Variants in DMC1 observed in about 807,000 individuals in gnomAD.
DMC1 encodes meiotic recombination protein DMC1 homolog.
Under a neutral mutation model 50.1 loss-of-function variants are expected in DMC1, and 27 were observed. The ratio of observed to expected loss-of-function variants is 0.54; its 90% CI spans 0.40 to 0.74. The LOEUF (loss-of-function observed/expected upper bound fraction) is 0.74, where lower values mean the gene tolerates loss of function less well. Ranked by LOEUF, DMC1 falls within the 30% of genes least tolerant of loss-of-function variation. DMC1 has a pLI of 0.00. For missense variants in DMC1, 295 were observed against 420.2 expected (o/e 0.70, Z 2.60); for synonymous variants, 148 against 136.1 (o/e 1.09, Z -0.61).
chr22:38,543,538 T>C (rs866347042), intron 8 of DMC1, among the ~76,000 whole-genome samples: 3 of 152,164 alleles, frequency 2.0e-5, no homozygotes, highest in South Asian at 4.1e-4. Flanking sequence ...TGCCTGTAAA[T>C]TGTTAAGTAC....
intron 8 of DMC1, among the ~76,000 whole-genome samples, chr22:38,540,463 T>C (rs1378434241): frequency 6.6e-6 from 1 of 152,210 alleles, no homozygotes; most frequent in Non-Finnish European, 1.5e-5. Context: ...AAAGGAGTAA[T>C]AAACATTTTT....
At chr22:38,551,404 C>A (rs554106849) in intron 7 of DMC1, among the ~76,000 whole-genome samples, 4 of 151,998 alleles carry the variant, frequency 2.6e-5, no homozygotes, top group Non-Finnish European at 5.9e-5. Flanking sequence ...TCTCGGCCCA[C>A]GGCAACCTCT....
chr22:38,526,226 A>G (rs942132771), intron 12 of DMC1, among the ~76,000 whole-genome samples: 1 of 151,222 alleles, frequency 6.6e-6, no homozygotes, highest in Non-Finnish European at 1.5e-5. Context: ...TTTTTTTGAG[A>G]CGGAGTCTTG....
At chr22:38,558,110 C>T (rs1437924227) in intron 5 of DMC1, among the ~76,000 whole-genome samples, 3 of 151,112 alleles carry the variant, frequency 2.0e-5, no homozygotes, top group Non-Finnish European at 4.4e-5. Context: ...TACAGGCACC[C>T]GCCACCATGC....
chr22:38,564,849 A>G (rs1270622859), intron 4 of DMC1, among the ~76,000 whole-genome samples: 1 of 152,136 alleles, frequency 6.6e-6, no homozygotes, highest in South Asian at 2.1e-4. Flanking sequence ...TTGTGGGTAC[A>G]CTGCCTGAGT....
intron 4 of DMC1, among the ~76,000 whole-genome samples, chr22:38,563,825 G>C (rs1442839229): frequency 6.6e-6 from 1 of 151,566 alleles, no homozygotes; most frequent in Non-Finnish European, 1.5e-5. Flanking sequence ...TCAGCCTCCC[G>C]AGTAGCTGGG....
chr22:38,534,504 A>T (rs1316097890), intron 12 of DMC1, among the ~76,000 whole-genome samples: 1 of 152,032 alleles, frequency 6.6e-6, no homozygotes, highest in Non-Finnish European at 1.5e-5. Flanking sequence ...GGAGTTCGAG[A>T]CCAGCCTGGC....
intron 8 of DMC1, among the ~76,000 whole-genome samples, chr22:38,541,368 T>C (rs2090279118): frequency 6.6e-6 from 1 of 152,246 alleles, no homozygotes; most frequent in East Asian, 1.9e-4. Flanking sequence ...CTCGGCTCAC[T>C]GCAACCTCTG....
At chr22:38,553,745 G>T (rs1290323384) in intron 6 of DMC1, among the ~76,000 whole-genome samples, 1 of 151,736 alleles carries the variant, frequency 6.6e-6, no homozygotes, top group Non-Finnish European at 1.5e-5. Flanking sequence ...GGCTGCATGA[G>T]CTCAGGAGTT....
At chr22:38,551,349 A>G (rs538099360) in intron 7 of DMC1, among the ~76,000 whole-genome samples, 2 of 151,280 alleles carry the variant, frequency 1.3e-5, no homozygotes, top group African/African-American at 2.4e-5. Flanking sequence ...TTTTTTTTCG[A>G]GACAGGTCTC....
At chr22:38,558,589 C>T (rs989697565) in intron 5 of DMC1, among the ~76,000 whole-genome samples, 1 of 151,996 alleles carries the variant, frequency 6.6e-6, no homozygotes, top group Admixed American at 6.6e-5. Context: ...GTGGCACACA[C>T]CTGTAGTCCC....
intron 7 of DMC1, among the ~76,000 whole-genome samples, chr22:38,550,930 CAAAAA>C (rs60295497): frequency 7.6e-4 from 44 of 57,770 alleles, no homozygotes; most frequent in South Asian, 3.0e-3. Context: ...GACTCCATCT[CAAAAA>C]AAAAAAAAAA....
intron 8 of DMC1, among the ~76,000 whole-genome samples, chr22:38,547,596 A>AAT (rs2090357128): frequency 6.6e-6 from 1 of 151,670 alleles, no homozygotes; most frequent in South Asian, 2.1e-4. Flanking sequence ...GCTGGAGTGC[A>AAT]ATGGCACGAT....
At position 38,547,562 on chromosome 22, in the gene DMC1, C is replaced by T. The variant is rs549415625; in HGVS notation, c.494+2363G>A. On this transcript the variant is annotated intron_variant, in intron 8 of 13. Coordinates refer to ENST00000216024, the MANE Select transcript of DMC1 (RefSeq NM_007068.4). ...TTTGTTTTTGTTTTTTTTTTTGAGA[C>T]GGAGTTTCCCTCTTGTTGCCCAGGC... Among the ~76,000 whole-genome samples the T allele has an allele frequency of 2.9e-4, 43 of 150,134 alleles. No individual in the cohort carries two copies. In the Middle Eastern group the frequency reaches 0.01, roughly 36 times the overall value.
At chr22:38,564,038 A>G (rs1245492229) in intron 4 of DMC1, among the ~76,000 whole-genome samples, 1 of 152,112 alleles carries the variant, frequency 6.6e-6, no homozygotes, top group Admixed American at 6.5e-5. Flanking sequence ...ACATGGTAGC[A>G]TATGCCTGTA....
At position 38,519,532 on chromosome 22, in the gene DMC1, C is replaced by G. The variant is rs2090000936; in HGVS notation, c.*488G>C. On this transcript the variant is annotated 3_prime_UTR_variant, in exon 14 of 14. Coordinates refer to ENST00000216024, the MANE Select transcript of DMC1 (RefSeq NM_007068.4). ...TATAAACATTCCTCCCTTAAATCCT[C>G]TTGTGGAAAAACATCTAGCTATGTA... 6.1e-6 allele frequency: 1 copy of G among 164,256 alleles called. No individual in the cohort carries two copies. The highest frequency in any genetic ancestry group is 5.7e-5 in the Admixed American group (1 of 17,448). 10.2% of individuals were successfully genotyped at this position (164,256 alleles called of 1,614,324 possible).
At chr22:38,556,391 G>A (rs1317318353) in intron 5 of DMC1, among the ~76,000 whole-genome samples, 1 of 152,112 alleles carries the variant, frequency 6.6e-6, no homozygotes, top group South Asian at 2.1e-4. Context: ...ATCATGCCCG[G>A]CTTCAGTTTT....
downstream of DMC1, among the ~76,000 whole-genome samples, chr22:38,516,218 C>T (rs1174272553): frequency 1.3e-5 from 2 of 152,220 alleles, no homozygotes; most frequent in East Asian, 3.8e-4. Flanking sequence ...TTCTAACACT[C>T]AGCCACTGTT....
chr22:38,563,157 G>A (rs113609499), intron 4 of DMC1, among the ~76,000 whole-genome samples: 8 of 152,246 alleles, frequency 5.3e-5, no homozygotes, highest in African/African-American at 1.9e-4. Flanking sequence ...TTTTCCAGCT[G>A]TAGAAGTTTC....
Sources: allele counts gnomAD v4.1 joint callset (sites outside exome capture counted in the v4.1 genomes callset), GRCh38; gene constraint gnomAD v4.1.1; transcripts MANE v1.5; gene names NCBI Gene and HGNC (gene_info 2026-07-23, HGNC 2026-07-21).